PRKG1: variants seen among roughly 807,000 people sequenced by gnomAD.
PRKG1 encodes the protein protein kinase cGMP-dependent 1, also known as cGMP-dependent protein kinase 1.
A neutral mutation model predicts 88.1 loss-of-function variants in PRKG1; 35 were observed. That is an observed-to-expected ratio of 0.40 (90% CI 0.30 to 0.53). PRKG1 has a LOEUF of 0.53. Among genes scored for constraint, PRKG1 ranks in the 20% least tolerant of loss-of-function variants. PRKG1 has a pLI of 0.59. For missense variants in PRKG1, 540 were observed against 839.8 expected, an observed-to-expected ratio of 0.64 and a Z score of 4.41; for synonymous variants, 303 against 292.5, an observed-to-expected ratio of 1.04 and a Z score of -0.37.
intron 5 of PRKG1, among the ~76,000 whole-genome samples, chr10:51,977,446 T>C (rs892960486): frequency 6.6e-6 from 1 of 152,098 alleles, no homozygotes; most frequent in Non-Finnish European, 1.5e-5. Flanking sequence ...TGCCTGTCTC[T>C]TTATAGTAGA....
rs961665260 is a variant in PRKG1 at position 51,927,168 on chromosome 10, C to T, written c.762+19598C>T. The stretch of plus-strand genomic sequence containing the variant: ...ATTTTGAATTGTAGCTCCCATAATT[C>T]CCACATACTGTGGGAGGGACCTGGT... On this transcript the variant is annotated intron_variant, in intron 5 of 17. Transcript: ENST00000373980. Among the ~76,000 whole-genome samples, 3 of 152,110 alleles carry T rather than the reference C, an allele frequency of 2.0e-5. No homozygotes were observed. The South Asian group carries it at 6.2e-4, about 31-fold the overall frequency.
chr10:51,363,978 A>G (rs1423647331), intron 2 of PRKG1, among the ~76,000 whole-genome samples: 1 of 152,010 alleles, frequency 6.6e-6, no homozygotes, highest in African/African-American at 2.4e-5. Flanking sequence ...CTCTTAGAAA[A>G]TGCTAAACCA....
intron 5 of PRKG1, among the ~76,000 whole-genome samples, chr10:52,014,452 A>G (rs965776535): frequency 6.6e-6 from 1 of 152,138 alleles, no homozygotes; most frequent in African/African-American, 2.4e-5. Context: ...CACCCCCATC[A>G]GGTCTTGTCC....
chr10:51,743,737 AATATATAT>A lies in PRKG1; in HGVS notation c.593-60827_593-60820del, dbSNP rs369411662. On this transcript the variant is annotated intron_variant, in intron 3 of 17. Transcript: ENST00000373980. ...ATATATATATATATAATATAAACTA[AATATATAT>A]ATATATATATATATATATATTTAGT... Among the ~76,000 whole-genome samples, 59 of 40,380 alleles carry A rather than the reference AATATATAT, an allele frequency of 1.5e-3. 4 individuals are homozygous for A. The highest frequency in any genetic ancestry group is 4.9e-3 in the African/African-American group (57 of 11,630). The allele number at this position is 40,380 out of a possible 152,430, so 26.5% of individuals were successfully genotyped here.
At chr10:52,188,584 A>G (rs1007755430) in intron 9 of PRKG1, among the ~76,000 whole-genome samples, 4 of 152,088 alleles carry the variant, frequency 2.6e-5, no homozygotes, top group Non-Finnish European at 5.9e-5. Context: ...ATGAATGAAT[A>G]TAAATGTCTC....
intron 5 of PRKG1, among the ~76,000 whole-genome samples, chr10:52,023,547 T>C (rs1845244793): frequency 1.3e-5 from 2 of 152,342 alleles, no homozygotes; most frequent in Admixed American, 1.3e-4. Flanking sequence ...GTAAAAGTGT[T>C]CCTGTTTCTC....
chr10:51,789,895 C>T (rs1838823364), intron 3 of PRKG1, among the ~76,000 whole-genome samples: 1 of 151,960 alleles, frequency 6.6e-6, no homozygotes, highest in African/African-American at 2.4e-5. Context: ...CACCTCGAGT[C>T]ACTGCAACCT....
chr10:51,320,817 A>G (rs1217749507), intron 2 of PRKG1, among the ~76,000 whole-genome samples: 1 of 152,244 alleles, frequency 6.6e-6, no homozygotes, highest in Non-Finnish European at 1.5e-5. Context: ...ATCCTTAAAT[A>G]CTTGGGAATT....
At chr10:51,044,625 C>G (rs1289882652) in intron 1 of PRKG1, among the ~76,000 whole-genome samples, 5 of 151,930 alleles carry the variant, frequency 3.3e-5, no homozygotes, top group Non-Finnish European at 7.4e-5. Flanking sequence ...ATTCTCCACA[C>G]CACATAGCTT....
chr10:51,703,106 C>T (rs1841509993), intron 3 of PRKG1, among the ~76,000 whole-genome samples: 1 of 152,130 alleles, frequency 6.6e-6, no homozygotes, highest in South Asian at 2.1e-4. Context: ...TAACAAAGAA[C>T]AGGATTATGC....
chr10:52,038,162 G>T (rs528409097), intron 5 of PRKG1, among the ~76,000 whole-genome samples: 14 of 152,242 alleles, frequency 9.2e-5, no homozygotes, highest in African/African-American at 3.4e-4. Context: ...TTTAGGTCAG[G>T]TGTGAGTTGA....
intron 2 of PRKG1, among the ~76,000 whole-genome samples, chr10:51,198,139 T>C (rs957470656): frequency 6.6e-6 from 1 of 152,152 alleles, no homozygotes; most frequent in Non-Finnish European, 1.5e-5. Flanking sequence ...GTCACAGTTT[T>C]GGGCAGGATA....
rs755760218 is a variant in PRKG1, at chr10:51,275,977, T to TA, written c.478+122648dup. 2.2e-3 allele frequency among the ~76,000 whole-genome samples: 335 copies of TA among 151,966 alleles called. 3 individuals are homozygous for TA. Among genetic ancestry groups the TA allele is most frequent in the Non-Finnish European group, 1.5e-3 (100 of 67,992 alleles). On this transcript the variant is annotated intron_variant, in intron 2 of 17. Coordinates refer to ENST00000373980, the MANE Select transcript of PRKG1 (RefSeq NM_006258.4). ...AGATGAAATTTTCTTTTTTTTTTTT[T>TA]ATTGCACTTTAAGTTCTAGGGTACA...
intron 2 of PRKG1, among the ~76,000 whole-genome samples, chr10:51,432,767 C>T (rs761984779): frequency 9.2e-5 from 14 of 152,170 alleles, no homozygotes; most frequent in Admixed American, 3.3e-4. Flanking sequence ...GTTCTTTACA[C>T]TTGTGTCATC....
intron 4 of PRKG1, among the ~76,000 whole-genome samples, chr10:51,828,064 T>C (rs1839919654): frequency 6.6e-6 from 1 of 152,168 alleles, no homozygotes; most frequent in African/African-American, 2.4e-5. Context: ...CTAATTTTAC[T>C]CTTATACTGA....
At chr10:52,192,993 C>G (rs1031587855) in intron 9 of PRKG1, among the ~76,000 whole-genome samples, 1 of 152,062 alleles carries the variant, frequency 6.6e-6, no homozygotes, top group Non-Finnish European at 1.5e-5. Flanking sequence ...GCTGGGGTCT[C>G]TTCCCTTTGG....
At chr10:52,046,459 T>C (rs1238659695) in intron 5 of PRKG1, among the ~76,000 whole-genome samples, 5 of 152,284 alleles carry the variant, frequency 3.3e-5, no homozygotes, top group South Asian at 2.1e-4. Flanking sequence ...GTTCTATCTC[T>C]GTACACTGAA....
At chr10:51,349,633 A>G (rs1842197099) in intron 2 of PRKG1, among the ~76,000 whole-genome samples, 1 of 151,416 alleles carries the variant, frequency 6.6e-6, no homozygotes, top group Non-Finnish European at 1.5e-5. Context: ...TAGCCTCCCA[A>G]ATAGCTGGGA....
chr10:51,901,878 A>C (rs1166474902), intron 4 of PRKG1, among the ~76,000 whole-genome samples: 1 of 152,126 alleles, frequency 6.6e-6, no homozygotes, highest in Non-Finnish European at 1.5e-5. Flanking sequence ...TTCTCTATCT[A>C]TCTTACATGA....
Sources: gnomAD v4.1 joint callset for allele counts (sites outside exome capture counted in the v4.1 genomes callset) on GRCh38, gnomAD v4.1.1 for gene constraint, MANE v1.5 for transcripts, NCBI Gene and HGNC (gene_info 2026-07-23, HGNC 2026-07-21) for gene names.